TBC1D1: variants seen among roughly 807,000 people sequenced by gnomAD.
TBC1D1 encodes TBC1 (tre-2/USP6, BUB2, cdc16) domain family, member 1.
A neutral mutation model predicts 125.6 loss-of-function variants in TBC1D1; 89 were observed. That is an observed-to-expected ratio of 0.71 (90% CI 0.60 to 0.85). TBC1D1 has a LOEUF of 0.85. Among genes scored for constraint, TBC1D1 ranks in the 40% least tolerant of loss-of-function variants. TBC1D1 has a pLI of 0.00. For missense variants in TBC1D1, 1,377 were observed against 1,469.2 expected, an observed-to-expected ratio of 0.94 and a Z score of 1.03; for synonymous variants, 565 against 564.1, an observed-to-expected ratio of 1.00 and a Z score of -0.02.
intron 2 of TBC1D1, among the ~76,000 whole-genome samples, chr4:37,978,751 C>CA (rs1733768297): frequency 8.2e-6 from 1 of 121,338 alleles, no homozygotes; most frequent in African/African-American, 3.0e-5. Context: ...ATTAAAAAGT[C>CA]ATTTCAAAAA....
chr4:37,925,704 A>G (rs1025261179), intron 2 of TBC1D1, among the ~76,000 whole-genome samples: 6 of 151,478 alleles, frequency 4.0e-5, no homozygotes, highest in Middle Eastern at 3.2e-3. Flanking sequence ...AAAAGAGAGA[A>G]AAAAAGAAAA....
chr4:38,094,584 G>GA (rs1470655904), intron 13 of TBC1D1, among the ~76,000 whole-genome samples: 9 of 152,208 alleles, frequency 5.9e-5, no homozygotes, highest in African/African-American at 2.2e-4. Context: ...TTAGGATACG[G>GA]AAACAGCAGG....
chr4:37,913,720 T>G (rs955915360), intron 2 of TBC1D1, among the ~76,000 whole-genome samples: 38 of 149,598 alleles, frequency 2.5e-4, no homozygotes, highest in African/African-American at 9.0e-4. Context: ...TCCAGCTCCC[T>G]CCAGTTACTG....
chr4:37,925,915 G>A (rs965340042), intron 2 of TBC1D1, among the ~76,000 whole-genome samples: 8 of 152,068 alleles, frequency 5.3e-5, no homozygotes, highest in African/African-American at 1.9e-4. Flanking sequence ...AGAGAAATTG[G>A]CCCTAAATAT....
intron 2 of TBC1D1, among the ~76,000 whole-genome samples, chr4:37,917,837 A>G (rs1720057797): frequency 6.6e-6 from 1 of 152,038 alleles, no homozygotes; most frequent in African/African-American, 2.4e-5. Context: ...TTCCCCCTTT[A>G]TTATACTTTT....
intron 17 of TBC1D1, among the ~76,000 whole-genome samples, chr4:38,122,095 T>A (rs1355367894): frequency 6.6e-6 from 1 of 152,124 alleles, no homozygotes; most frequent in Non-Finnish European, 1.5e-5. Flanking sequence ...GGTTGGACGC[T>A]TTGAATGGGA....
chr4:38,117,299 C>T (rs1228043613), intron 16 of TBC1D1, among the ~76,000 whole-genome samples: 1 of 152,048 alleles, frequency 6.6e-6, no homozygotes, highest in African/African-American at 2.4e-5. Flanking sequence ...TTTCTTTAGG[C>T]TCAGGCCGTG....
At chr4:38,104,545 A>G (rs1435836673) in intron 15 of TBC1D1, among the ~76,000 whole-genome samples, 1 of 152,170 alleles carries the variant, frequency 6.6e-6, no homozygotes, top group East Asian at 1.9e-4. Flanking sequence ...CCCTGCTTCC[A>G]GAATACCTGT....
Position 38,120,902 on chromosome 4 carries a change from C to G in TBC1D1, c.2962+2710C>G, listed in dbSNP as rs549020861. The stretch of plus-strand genomic sequence containing the variant: ...AGGAGGAGGCTGCAGTGTTCAGCCT[C>G]TGATGTTTTTCTATAGGACATGCTG... On this transcript the variant is annotated intron_variant, in intron 17 of 19. Coordinates refer to ENST00000261439, the MANE Select transcript of TBC1D1 (RefSeq NM_015173.4). Among the ~76,000 whole-genome samples, 250 of 152,214 alleles carry G rather than the reference C, an allele frequency of 1.6e-3. 1 individual carries two copies. Among genetic ancestry groups the G allele is most frequent in the Non-Finnish European group, 3.1e-3 (210 of 68,014 alleles).
intron 2 of TBC1D1, among the ~76,000 whole-genome samples, chr4:37,944,830 G>A (rs930894852): frequency 6.6e-6 from 1 of 152,154 alleles, no homozygotes; most frequent in Non-Finnish European, 1.5e-5. Context: ...TCGGTGGGCT[G>A]CACCCACTGT....
At chr4:37,923,521 G>A (rs575450451) in intron 2 of TBC1D1, among the ~76,000 whole-genome samples, 1 of 152,148 alleles carries the variant, frequency 6.6e-6, no homozygotes, top group East Asian at 1.9e-4. Flanking sequence ...CTGCACACTG[G>A]GATCCAACTT....
At position 37,995,597 on chromosome 4, in the gene TBC1D1, C is replaced by T; in HGVS notation, c.418-18912C>T. 2.1e-6 allele frequency: 1 copy of T among 473,516 alleles called. No homozygotes were observed. The highest frequency in any genetic ancestry group is 4.2e-6 in the Non-Finnish European group (1 of 239,806). 29.3% of individuals were successfully genotyped at this position (473,516 alleles called of 1,614,324 possible). A position where few individuals can be genotyped will look rare whatever the true frequency, so the allele number is the denominator to read the frequency against. On this transcript the variant is annotated intron_variant, in intron 2 of 19. Coordinates refer to ENST00000261439, the MANE Select transcript of TBC1D1 (RefSeq NM_015173.4). This position sits in a 1 kb window ranked among gnomAD's most constrained non-coding sequence, Gnocchi z 4.3. The stretch of plus-strand genomic sequence containing the variant: ...GCACAGAAGGCCTTCAGGTCCAGTA[C>T]CCTGGCCTTGACCTCCCCATAGGCT...
At chr4:37,896,763 GT>G (rs1220835272) in intron 1 of TBC1D1, among the ~76,000 whole-genome samples, 10 of 151,390 alleles carry the variant, frequency 6.6e-5, no homozygotes, top group African/African-American at 2.4e-4. Flanking sequence ...CCAGAATCTA[GT>G]TGCCTCATTT....
At chr4:38,118,846 T>G (rs148637559) in intron 17 of TBC1D1, among the ~76,000 whole-genome samples, 2 of 152,352 alleles carry the variant, frequency 1.3e-5, no homozygotes, top group African/African-American at 4.8e-5. Flanking sequence ...GCCTTTATAT[T>G]CTTGATTTAC....
At chr4:38,051,855 C>T (rs1750615799) in intron 11 of TBC1D1, 44 bp from the exon 12 acceptor site, 13 of 1,529,594 alleles carry the variant, frequency 8.5e-6, no homozygotes, top group Non-Finnish European at 1.1e-5. Context: ...GTCGGCGCCC[C>T]CTCTCCTGCT....
intron 2 of TBC1D1, among the ~76,000 whole-genome samples, chr4:37,946,344 A>T (rs1726692277): frequency 6.6e-6 from 1 of 152,236 alleles, no homozygotes; most frequent in Non-Finnish European, 1.5e-5. Flanking sequence ...CATGCTCCCA[A>T]CACAAAGAAA....
At chr4:37,897,881 T>C (rs903613337) in intron 1 of TBC1D1, among the ~76,000 whole-genome samples, 8 of 152,206 alleles carry the variant, frequency 5.3e-5, no homozygotes, top group Non-Finnish European at 7.3e-5. Flanking sequence ...AGAGAGATCA[T>C]TATTTATGGG....
Position 38,005,595 on chromosome 4 carries a change from C to T in TBC1D1, c.418-8914C>T, listed in dbSNP as rs900411823. On this transcript the variant is annotated intron_variant, in intron 2 of 19. Transcript: ENST00000261439. ...TTCTTGTGGCTTCTGGCCTGAGCCC[C>T]GTACAGGGAACTTTTCTTTTCTCCT... 5.9e-5 allele frequency among the ~76,000 whole-genome samples: 9 copies of T among 152,282 alleles called. 1 individual carries two copies. The highest frequency in any genetic ancestry group is 1.4e-4 in the African/African-American group (6 of 41,548).
intron 2 of TBC1D1, among the ~76,000 whole-genome samples, chr4:37,920,207 G>A (rs1720651975): frequency 1.3e-5 from 2 of 152,194 alleles, no homozygotes; most frequent in African/African-American, 2.4e-5. Context: ...AGCCCGTGTC[G>A]TTGAAGCACT....
Sources: allele counts gnomAD v4.1 joint callset (sites outside exome capture counted in the v4.1 genomes callset), GRCh38; gene constraint gnomAD v4.1.1; non-coding constraint Gnocchi (gnomAD v3.1); transcripts MANE v1.5; gene names NCBI Gene and HGNC (gene_info 2026-07-23, HGNC 2026-07-21).